BCKDHB: variants seen among roughly 807,000 people sequenced by gnomAD.
The protein encoded by BCKDHB is 2-oxoisovalerate dehydrogenase subunit beta, mitochondrial.
BCKDHB carries 41 observed loss-of-function variants against 48.5 expected under a neutral mutation model. That is an observed-to-expected ratio of 0.85 (90% CI 0.66 to 1.10). The LOEUF (loss-of-function observed/expected upper bound fraction) is 1.10, where lower values mean the gene tolerates loss of function less well. Ranked by LOEUF, BCKDHB falls within the 50% of genes least tolerant of loss-of-function variation. The pLI is 0.00. For synonymous variants in BCKDHB, 201 were observed against 174.8 expected, an observed-to-expected ratio of 1.15 and a Z score of -1.18; for missense variants, 496 against 494.2, an observed-to-expected ratio of 1.00 and a Z score of -0.03.
chr6:80,229,663 T>C (rs1393841277), intron 8 of BCKDHB, among the ~76,000 whole-genome samples: 1 of 151,568 alleles, frequency 6.6e-6, no homozygotes, highest in Admixed American at 6.6e-5. Flanking sequence ...TGAACATGAG[T>C]TTATGCTTTT....
chr6:80,324,068 G>A (rs984216008), intron 9 of BCKDHB, among the ~76,000 whole-genome samples: 8 of 152,100 alleles, frequency 5.3e-5, no homozygotes, highest in Non-Finnish European at 1.2e-4. Context: ...CACCGTGCCC[G>A]GCCCAAAATT....
chr6:80,403,044 T>G, the BCKDHB span, among the ~76,000 whole-genome samples: 3 of 151,468 alleles, frequency 2.0e-5, no homozygotes, highest in Middle Eastern at 3.4e-3. Context: ...GTGAGGTGCC[T>G]ATAGCTTCGT....
At chr6:80,133,666 A>G (rs1770741716) in intron 3 of BCKDHB, among the ~76,000 whole-genome samples, 1 of 151,572 alleles carries the variant, frequency 6.6e-6, no homozygotes, top group Non-Finnish European at 1.5e-5. Flanking sequence ...TTTTTAAGAC[A>G]GAGTCTTGCT....
the BCKDHB span, among the ~76,000 whole-genome samples, chr6:80,370,791 A>G: frequency 4.1e-3 from 526 of 128,084 alleles, 3 homozygotes; most frequent in Middle Eastern, 0.022. Context: ...GTGTGTATAT[A>G]TAGCGTGTGT....
At chr6:80,388,550 T>G in the BCKDHB span, among the ~76,000 whole-genome samples, 3 of 152,210 alleles carry the variant, frequency 2.0e-5, no homozygotes, top group African/African-American at 7.2e-5. Context: ...AAGTGGGGTA[T>G]GCACAGCAGG....
intron 9 of BCKDHB, chr6:80,307,641 A>G (rs73463601): frequency 0.049 from 47,618 of 977,330 alleles, 1,502 homozygotes; most frequent in South Asian, 0.19. Context: ...TCTAGCCATT[A>G]TAGAAAATGT....
the BCKDHB span, chr6:80,374,407 T>C: frequency 2.5e-6 from 2 of 786,506 alleles, no homozygotes; most frequent in Admixed American, 3.4e-5. Flanking sequence ...ACGCACCGTT[T>C]CTGTAAAGTG....
At chr6:80,273,817 A>G (rs1014423859) in intron 9 of BCKDHB, among the ~76,000 whole-genome samples, 3 of 152,064 alleles carry the variant, frequency 2.0e-5, no homozygotes, top group African/African-American at 7.2e-5. Flanking sequence ...TCAGGAAAAA[A>G]TTTTATACAC....
At chr6:80,183,459 T>C (rs1268630663) in intron 6 of BCKDHB, among the ~76,000 whole-genome samples, 2 of 152,196 alleles carry the variant, frequency 1.3e-5, no homozygotes, top group Non-Finnish European at 2.9e-5. Flanking sequence ...AGAGCAATTT[T>C]AGATTCACAG....
chr6:80,273,096 A>G (rs565119070), intron 8 of BCKDHB, 39 bp from the exon 9 acceptor site: 9 of 1,448,994 alleles, frequency 6.2e-6, no homozygotes, highest in African/African-American at 2.8e-5. Context: ...TATAAAATAG[A>G]TATTCTTTTT....
chr6:80,283,884 TA>T (rs1163174515), intron 9 of BCKDHB, among the ~76,000 whole-genome samples: 1 of 152,104 alleles, frequency 6.6e-6, no homozygotes, highest in African/African-American at 2.4e-5. Flanking sequence ...AATGTATCCA[TA>T]ACCTGGCTGA....
the BCKDHB span, among the ~76,000 whole-genome samples, chr6:80,371,809 T>C: frequency 6.6e-6 from 1 of 152,072 alleles, no homozygotes; most frequent in Non-Finnish European, 1.5e-5. Context: ...TGGGTGGATT[T>C]CTAATTCTTT....
intron 1 of BCKDHB, among the ~76,000 whole-genome samples, chr6:80,124,707 T>G (rs1770247611): frequency 6.6e-6 from 1 of 152,206 alleles, no homozygotes; most frequent in African/African-American, 2.4e-5. Flanking sequence ...TCAGAGCGCT[T>G]GGGTGACCAA....
the BCKDHB span, chr6:80,374,481 C>CTTAA: frequency 1.3e-6 from 1 of 750,896 alleles, no homozygotes; most frequent in African/African-American, 1.7e-5. Flanking sequence ...GGCAGTTTCA[C>CTTAA]GAGTGTTCTT....
chr6:80,239,353 GATGATGAGCATTTTTTTC>G, intron 8 of BCKDHB, among the ~76,000 whole-genome samples: 1 of 131,532 alleles, frequency 7.6e-6, no homozygotes, highest in East Asian at 2.6e-4. Flanking sequence ...GATGGCCAGT[GATGATGAGCATTTTTTTC>G]ATGTGTCTGT....
rs139377384 is a variant in BCKDHB at position 80,162,070 on chromosome 6, G to T, written c.344-5608G>T. ...GCTGAATGTCACTGGAGCAAAACAT[G>T]CCATGATGCAACTGGTCTTTAAGTT... On this transcript the variant is annotated intron_variant, in intron 3 of 9. Transcript: ENST00000320393. 1.7e-3 allele frequency among the ~76,000 whole-genome samples: 265 copies of T among 152,232 alleles called. 1 individual carries two copies. Among genetic ancestry groups the T allele is most frequent in the African/African-American group, 6.0e-3 (251 of 41,532 alleles).
intron 3 of BCKDHB, among the ~76,000 whole-genome samples, chr6:80,154,783 A>T (rs1482832031): frequency 1.3e-5 from 2 of 152,124 alleles, no homozygotes; most frequent in African/African-American, 4.8e-5. Flanking sequence ...GAACTATAAG[A>T]TTGATATAGT....
the BCKDHB span, among the ~76,000 whole-genome samples, chr6:80,403,205 A>G: frequency 1.3e-5 from 2 of 151,884 alleles, no homozygotes; most frequent in East Asian, 1.9e-4. Flanking sequence ...GGCCATTTTA[A>G]CAATATCAAT....
the BCKDHB span, among the ~76,000 whole-genome samples, chr6:80,400,402 T>G: frequency 3.3e-5 from 5 of 152,018 alleles, no homozygotes; most frequent in Non-Finnish European, 7.4e-5. Context: ...CATTACAAAG[T>G]GGGCAACAGA....
Sources: gnomAD v4.1 joint callset for allele counts (sites outside exome capture counted in the v4.1 genomes callset) on GRCh38, gnomAD v4.1.1 for gene constraint, MANE v1.5 for transcripts, NCBI Gene and HGNC (gene_info 2026-07-23, HGNC 2026-07-21) for gene names.